Variants in SNX29 observed in about 807,000 individuals in gnomAD.
SNX29 encodes the protein sorting nexin 29.
SNX29 carries 78 observed loss-of-function variants against 102.1 expected under a neutral mutation model. That is an observed-to-expected ratio of 0.76 (90% CI 0.64 to 0.92). SNX29 has a LOEUF of 0.92. Ranked by LOEUF, SNX29 falls within the 40% of genes least tolerant of loss-of-function variation. The probability of loss-of-function intolerance (pLI) is 0.00; values close to 1 mark genes in which losing one functional copy is unlikely to be tolerated. For synonymous variants in SNX29, 580 were observed against 414.5 expected (o/e 1.40, Z -4.85); for missense variants, 1,280 against 1,061.7 (o/e 1.21, Z -2.86).
chr16:12,052,444 T>A, intron 8 of SNX29: 2 of 450,602 alleles, frequency 4.4e-6, no homozygotes, highest in South Asian at 4.2e-5. Context: ...CTCAAACTCC[T>A]GACCTCAAGT....
At chr16:12,101,674 G>C (rs572382657) in intron 11 of SNX29, among the ~76,000 whole-genome samples, 1 of 152,226 alleles carries the variant, frequency 6.6e-6, no homozygotes, top group South Asian at 2.1e-4. Context: ...ACGAGTCGCT[G>C]TGCCTGGCCT....
At chr16:12,527,751 G>A (rs557326101) in intron 20 of SNX29, among the ~76,000 whole-genome samples, 3 of 152,210 alleles carry the variant, frequency 2.0e-5, no homozygotes, top group African/African-American at 7.2e-5. Flanking sequence ...CCTGTGGACT[G>A]AGCCTGATTC....
In SNX29 at chr16:12,570,713, G is replaced by A. The variant is rs149045999; in HGVS notation, c.*2084G>A. 107 of 232,250 alleles carry A rather than the reference G, an allele frequency of 4.6e-4. 1 individual carries two copies. Among genetic ancestry groups the A allele is most frequent in the African/African-American group, 2.1e-3 (96 of 45,402 alleles). The allele number at this position is 232,250 out of a possible 1,614,324, so 14.4% of individuals were successfully genotyped here. Reference sequence around the variant, plus strand: ...GACACCTGCCCCCAAAGCACAGGATGTGAATTGGTCTCTCTCCAGATACCC... The same window carrying A: ...GACACCTGCCCCCAAAGCACAGGATATGAATTGGTCTCTCTCCAGATACCC... On this transcript the variant is annotated 3_prime_UTR_variant, in exon 21 of 21. Transcript: ENST00000566228.
At chr16:12,427,411 C>G (rs1197941158) in intron 18 of SNX29, among the ~76,000 whole-genome samples, 43 of 152,204 alleles carry the variant, frequency 2.8e-4, no homozygotes, top group East Asian at 1.9e-4. Flanking sequence ...ATGGCTTTCT[C>G]TGGGTAGTGA....
intron 11 of SNX29, among the ~76,000 whole-genome samples, chr16:12,123,612 G>T (rs1247570333): frequency 1.3e-5 from 2 of 152,156 alleles, no homozygotes. Context: ...TGGCCCTCCT[G>T]CTGTTCCGTT....
At chr16:12,233,675 T>A (rs2077838070) in intron 14 of SNX29, among the ~76,000 whole-genome samples, 1 of 152,206 alleles carries the variant, frequency 6.6e-6, no homozygotes, top group Non-Finnish European at 1.5e-5. Context: ...GATTTAATGA[T>A]TTTTAGTATA....
At chr16:11,989,547 C>T (rs912040793) in intron 1 of SNX29, among the ~76,000 whole-genome samples, 1 of 152,176 alleles carries the variant, frequency 6.6e-6, no homozygotes, top group East Asian at 1.9e-4. Flanking sequence ...AAAACCACCA[C>T]CGCACTCTGC....
chr16:12,523,900 G>A (rs1185128930), intron 19 of SNX29, among the ~76,000 whole-genome samples: 1 of 152,086 alleles, frequency 6.6e-6, no homozygotes, highest in Non-Finnish European at 1.5e-5. Context: ...TTTTGTGTGT[G>A]TGTGAGATGG....
At chr16:12,244,664 T>C (rs2078210066) in intron 14 of SNX29, among the ~76,000 whole-genome samples, 1 of 152,166 alleles carries the variant, frequency 6.6e-6, no homozygotes, top group Non-Finnish European at 1.5e-5. Flanking sequence ...TCTTGTGTGC[T>C]TCCTGGAAGC....
At chr16:12,075,493 C>G (rs534998328) in intron 10 of SNX29, among the ~76,000 whole-genome samples, 4 of 152,274 alleles carry the variant, frequency 2.6e-5, no homozygotes, top group African/African-American at 7.2e-5. Flanking sequence ...TCGTGATCCG[C>G]GAATGCTGCT....
intron 13 of SNX29, among the ~76,000 whole-genome samples, chr16:12,195,022 T>C (rs1299463862): frequency 2.0e-5 from 3 of 152,248 alleles, no homozygotes; most frequent in East Asian, 3.9e-4. Context: ...AATTTTATCA[T>C]ATAGAAATGA....
At position 12,539,471 on chromosome 16, in the gene SNX29, C is replaced by A. The variant is rs138204344; in HGVS notation, c.2318+14630C>A. Among the ~76,000 whole-genome samples the A allele has an allele frequency of 9.8e-5, 15 of 152,296 alleles. No homozygotes were observed. In the East Asian group the frequency reaches 2.9e-3, roughly 29 times the overall value. Reference sequence around the variant, plus strand: ...AGAGTTTGGTTAAATGGATATACCACGGTTTATCTAGTCATAAAGGAATAA... The same window carrying A: ...AGAGTTTGGTTAAATGGATATACCAAGGTTTATCTAGTCATAAAGGAATAA... On this transcript the variant is annotated intron_variant, in intron 20 of 20. Transcript: ENST00000566228.
At chr16:12,365,411 C>T (rs1002877709) in intron 16 of SNX29, among the ~76,000 whole-genome samples, 49 of 150,908 alleles carry the variant, frequency 3.2e-4, no homozygotes, top group Admixed American at 2.1e-3. Flanking sequence ...CTTCGGAGGC[C>T]GGGCGTGGTG....
intron 15 of SNX29, among the ~76,000 whole-genome samples, chr16:12,304,876 G>A (rs2080291564): frequency 1.3e-5 from 2 of 152,180 alleles, no homozygotes; most frequent in African/African-American, 4.8e-5. Context: ...GGAAAGCTGA[G>A]CTTTATTCAG....
intron 16 of SNX29, among the ~76,000 whole-genome samples, chr16:12,381,093 A>C (rs1051955051): frequency 0.014 from 30 of 2,170 alleles, no homozygotes; most frequent in South Asian, 0.05. Flanking sequence ...CCCACCCACC[A>C]TCCATCCACC....
chr16:12,330,485 G>T (rs753337226), intron 15 of SNX29, among the ~76,000 whole-genome samples: 1 of 152,150 alleles, frequency 6.6e-6, no homozygotes, highest in Non-Finnish European at 1.5e-5. Flanking sequence ...TAACACTCAC[G>T]CAATGCATCT....
At position 12,529,556 on chromosome 16, in the gene SNX29, TCTC is replaced by T. The variant is rs541480265; in HGVS notation, c.2318+4718_2318+4720del. On this transcript the variant is annotated intron_variant, in intron 20 of 20. Transcript: ENST00000566228. ...TTTAACTTTGGGAAATACATTATGTTCTCCTGCTCCTTGAGGAGAGAGAAAGTT... is the reference window on the plus strand; with the variant it reads ...TTTAACTTTGGGAAATACATTATGTTCTGCTCCTTGAGGAGAGAGAAAGTT... Among the ~76,000 whole-genome samples the T allele has an allele frequency of 7.6e-4, 115 of 152,204 alleles. 1 individual carries two copies. The East Asian group carries it at 0.021, about 28-fold the overall frequency.
intron 13 of SNX29, among the ~76,000 whole-genome samples, chr16:12,151,007 CCA>C (rs940470291): frequency 6.6e-6 from 1 of 152,138 alleles, no homozygotes; most frequent in Non-Finnish European, 1.5e-5. Flanking sequence ...TGCTGTATGG[CCA>C]CAGAGTCAAA....
In SNX29 at chr16:12,360,279, G is replaced by A. The variant is rs540402935; in HGVS notation, c.1899+4000G>A. On this transcript the variant is annotated intron_variant, in intron 16 of 20. Coordinates refer to ENST00000566228, the MANE Select transcript of SNX29 (RefSeq NM_032167.5). ...GCAGTTGGTTGGTGTGCCTCTTCAG[G>A]CTCTGTTAATTTGTAGATTCCCTTG... 2.6e-5 allele frequency among the ~76,000 whole-genome samples: 4 copies of A among 152,226 alleles called. No individual in the cohort carries two copies. In the South Asian group the frequency reaches 6.2e-4, roughly 24 times the overall value.
Sources: allele counts gnomAD v4.1 joint callset (sites outside exome capture counted in the v4.1 genomes callset), GRCh38; gene constraint gnomAD v4.1.1; transcripts MANE v1.5; gene names NCBI Gene and HGNC (gene_info 2026-07-23, HGNC 2026-07-21).